The following ABTB3 variants were observed in gnomAD, a reference collection of about 807,000 sequenced individuals.
ABTB3 encodes ankyrin repeat and BTB domain containing 3.
the ABTB3 span, among the ~76,000 whole-genome samples, chr12:107,441,655 G>T: frequency 6.6e-6 from 1 of 151,832 alleles, no homozygotes; most frequent in Admixed American, 6.6e-5. Context: ...TTACCTGGGG[G>T]GTCCAGACAC....
chr12:107,344,937 A>G, the ABTB3 span, among the ~76,000 whole-genome samples: 1 of 152,218 alleles, frequency 6.6e-6, no homozygotes, highest in Non-Finnish European at 1.5e-5. Flanking sequence ...AAAGGGCTCT[A>G]AAAGAAATTA....
At chr12:107,590,412 C>T in the ABTB3 span, among the ~76,000 whole-genome samples, 1 of 151,992 alleles carries the variant, frequency 6.6e-6, no homozygotes, top group Non-Finnish European at 1.5e-5. Flanking sequence ...CACTGTGAGA[C>T]AAGGAGGAGT....
chr12:107,619,915 G>T, the ABTB3 span: 59 of 1,402,414 alleles, frequency 4.2e-5, no homozygotes, highest in Non-Finnish European at 5.5e-5. Context: ...CTGCTCCTCT[G>T]GTTGTTTTCC....
the ABTB3 span, among the ~76,000 whole-genome samples, chr12:107,615,528 G>T: frequency 6.6e-6 from 1 of 152,164 alleles, no homozygotes; most frequent in Non-Finnish European, 1.5e-5. Flanking sequence ...CTTCCCTTAG[G>T]TGTGACCCCT....
the ABTB3 span, among the ~76,000 whole-genome samples, chr12:107,587,321 G>A: frequency 6.6e-6 from 1 of 152,240 alleles, no homozygotes; most frequent in South Asian, 2.1e-4. Context: ...GTGGGCTGAG[G>A]CGGGCAGGGG....
the ABTB3 span, among the ~76,000 whole-genome samples, chr12:107,601,726 G>A: frequency 6.6e-6 from 1 of 152,166 alleles, no homozygotes; most frequent in Non-Finnish European, 1.5e-5. Context: ...TTCCTTATCT[G>A]TGAAATAAAT....
the ABTB3 span, among the ~76,000 whole-genome samples, chr12:107,432,920 G>T: frequency 1.3e-5 from 2 of 152,128 alleles, no homozygotes; most frequent in African/African-American, 4.8e-5. Flanking sequence ...CTTCTCCACA[G>T]CCCACTCATT....
the ABTB3 span, among the ~76,000 whole-genome samples, chr12:107,648,660 C>T: frequency 4.6e-5 from 7 of 152,278 alleles, 1 homozygote; most frequent in African/African-American, 1.7e-4. Flanking sequence ...CCCCTCATGG[C>T]TTCACCATGG....
At chr12:107,403,351 G>A in the ABTB3 span, among the ~76,000 whole-genome samples, 1 of 152,242 alleles carries the variant, frequency 6.6e-6, no homozygotes, top group East Asian at 1.9e-4. Context: ...AATGTAATGG[G>A]TTGTTTCACC....
At chr12:107,424,456 T>C in the ABTB3 span, among the ~76,000 whole-genome samples, 4 of 152,190 alleles carry the variant, frequency 2.6e-5, no homozygotes, top group African/African-American at 9.7e-5. Context: ...GAGAGGAAGA[T>C]GCAGTGAAAG....
chr12:107,595,710 G>T, the ABTB3 span, among the ~76,000 whole-genome samples: 9 of 152,158 alleles, frequency 5.9e-5, no homozygotes, highest in African/African-American at 2.2e-4. Context: ...TTCTACTACT[G>T]ACTAGCTGTG....
At chr12:107,581,262 G>A in the ABTB3 span, 7 of 1,510,256 alleles carry the variant, frequency 4.6e-6, no homozygotes, top group East Asian at 2.6e-5. Flanking sequence ...CAGGCGGCCC[G>A]GCTGCTGCTG....
the ABTB3 span, among the ~76,000 whole-genome samples, chr12:107,436,870 T>C: frequency 4.6e-3 from 703 of 152,252 alleles, 3 homozygotes; most frequent in African/African-American, 0.016. Context: ...AGAAGTTCTA[T>C]GGTGTTTGAT....
At chr12:107,576,128 A>T in the ABTB3 span, among the ~76,000 whole-genome samples, 1 of 152,170 alleles carries the variant, frequency 6.6e-6, no homozygotes, top group Admixed American at 6.5e-5. Flanking sequence ...AAACACCATC[A>T]GCTTTCTAAA....
chr12:107,638,452 A>G, the ABTB3 span, among the ~76,000 whole-genome samples: 2 of 152,284 alleles, frequency 1.3e-5, no homozygotes, highest in African/African-American at 4.8e-5. Flanking sequence ...TCAATAGTTT[A>G]GGACAACCCA....
the ABTB3 span, among the ~76,000 whole-genome samples, chr12:107,393,803 G>A: frequency 2.0e-5 from 3 of 152,082 alleles, no homozygotes; most frequent in African/African-American, 4.8e-5. Flanking sequence ...GGTGGCAGGC[G>A]CCTGTAGTCC....
the ABTB3 span, among the ~76,000 whole-genome samples, chr12:107,534,024 A>G: frequency 6.6e-6 from 1 of 152,224 alleles, no homozygotes; most frequent in African/African-American, 2.4e-5. Context: ...CCAATGGGTC[A>G]ATGAAGAAAT....
At chr12:107,643,428 G>T in the ABTB3 span, among the ~76,000 whole-genome samples, 32 of 135,134 alleles carry the variant, frequency 2.4e-4, no homozygotes, top group African/African-American at 7.8e-4. Flanking sequence ...AAAAAAAAAG[G>T]TTTCCAAAGA....
chr12:107,585,252 G>A, the ABTB3 span, among the ~76,000 whole-genome samples: 24 of 152,268 alleles, frequency 1.6e-4, no homozygotes, highest in South Asian at 4.8e-3. Flanking sequence ...TTTGAGCCAC[G>A]AGTTTATTCC....
Sources: gnomAD v4.1 joint callset for allele counts (sites outside exome capture counted in the v4.1 genomes callset) on GRCh38, gnomAD v4.1.1 for gene constraint, MANE v1.5 for transcripts, NCBI Gene and HGNC (gene_info 2026-07-23, HGNC 2026-07-21) for gene names.